Variants in GAS7 observed in about 807,000 individuals in gnomAD.
GAS7 encodes the protein growth arrest-specific protein 7.
In GAS7, 28 loss-of-function variants were observed where a neutral mutation model predicts 71.1. That is an observed-to-expected ratio of 0.39 (90% CI 0.29 to 0.54). The LOEUF is 0.54. GAS7 is among the 20% of genes least tolerant of loss of function. The pLI is 0.62. For synonymous variants in GAS7, 258 were observed against 245.8 expected, an observed-to-expected ratio of 1.05 and a Z score of -0.46; for missense variants, 436 against 627.8, an observed-to-expected ratio of 0.69 and a Z score of 3.27.
chr17:10,197,369 C>A (rs935684300), intron 1 of GAS7, among the ~76,000 whole-genome samples: 4 of 151,574 alleles, frequency 2.6e-5, no homozygotes, highest in Admixed American at 6.6e-5. Flanking sequence ...TGGGGGCAGG[C>A]GGGCTTCTAG....
At chr17:10,087,903 C>T (rs955575755) in intron 1 of GAS7, among the ~76,000 whole-genome samples, 2 of 152,118 alleles carry the variant, frequency 1.3e-5, no homozygotes, top group Non-Finnish European at 2.9e-5. Context: ...GCCTTTGGTG[C>T]CCCCATCCTC....
chr17:10,184,207 C>T (rs1049907249), intron 1 of GAS7, among the ~76,000 whole-genome samples: 30 of 152,150 alleles, frequency 2.0e-4, no homozygotes, highest in African/African-American at 7.0e-4. Flanking sequence ...TACTGCAGTC[C>T]AGACCCTGCC....
chr17:10,066,600 C>T (rs1477950422), intron 1 of GAS7, among the ~76,000 whole-genome samples: 1 of 152,136 alleles, frequency 6.6e-6, no homozygotes, highest in Non-Finnish European at 1.5e-5. Context: ...CCTCCCAAAG[C>T]ACTGGGATTG....
At chr17:10,189,914 G>C (rs1187712475) in intron 1 of GAS7, among the ~76,000 whole-genome samples, 1 of 151,776 alleles carries the variant, frequency 6.6e-6, no homozygotes, top group Non-Finnish European at 1.5e-5. Flanking sequence ...ACTTCAGCCT[G>C]GGCAACAGAG....
In GAS7 at chr17:9,950,581, C is replaced by T. The variant is rs189984712; in HGVS notation, c.526-3598G>A. Among the ~76,000 whole-genome samples the T allele has an allele frequency of 3.2e-3, 488 of 152,188 alleles. 3 individuals carry two copies. Among genetic ancestry groups the T allele is most frequent in the Non-Finnish European group, 5.3e-3 (358 of 67,984 alleles). The stretch of plus-strand genomic sequence containing the variant: ...TTTTTTAAAAGGCACCTTGTGGCAG[C>T]GTGTGGTGGCTCACGCCTGTAATCC... On this transcript the variant is annotated intron_variant, in intron 5 of 13. Coordinates refer to ENST00000432992, the MANE Select transcript of GAS7 (RefSeq NM_201433.2).
At chr17:10,089,546 C>A (rs2073558807) in intron 1 of GAS7, among the ~76,000 whole-genome samples, 1 of 151,800 alleles carries the variant, frequency 6.6e-6, no homozygotes. Context: ...ATTTAAAGAC[C>A]ATGAGTTTCA....
chr17:10,164,517 G>A (rs1329143846), intron 1 of GAS7, among the ~76,000 whole-genome samples: 1 of 151,466 alleles, frequency 6.6e-6, no homozygotes. Flanking sequence ...GGTTTAACTA[G>A]CCAGGTGTGG....
intron 1 of GAS7, among the ~76,000 whole-genome samples, chr17:10,165,291 CAAAA>C (rs71365731): frequency 1.3e-5 from 1 of 77,650 alleles, no homozygotes. Context: ...GATTCCTTCT[CAAAA>C]AAAAAAAAAA....
intron 1 of GAS7, among the ~76,000 whole-genome samples, chr17:10,057,708 G>A (rs1238777216): frequency 1.3e-5 from 2 of 152,154 alleles, no homozygotes; most frequent in Non-Finnish European, 2.9e-5. Context: ...TCTGGGAAGT[G>A]AGGAGCCCCT....
rs11867940 is a variant in GAS7, at chr17:10,191,123, C to G, written c.183+7085G>C. 4.6e-3 allele frequency among the ~76,000 whole-genome samples: 701 copies of G among 151,612 alleles called. 9 individuals carry two copies. Among genetic ancestry groups the G allele is most frequent in the African/African-American group, 0.016 (667 of 41,330 alleles). On this transcript the variant is annotated intron_variant, in intron 1 of 13. Coordinates refer to ENST00000432992, the MANE Select transcript of GAS7 (RefSeq NM_201433.2). ...CCAGGAGGCAGAGGTTACAGTGAGC[C>G]GAGATCACGCCATTGTACTCCAGCC... is the stretch of plus-strand genomic sequence containing the variant.
At chr17:10,055,706 T>C (rs1424309247) in intron 1 of GAS7, among the ~76,000 whole-genome samples, 1 of 152,174 alleles carries the variant, frequency 6.6e-6, no homozygotes, top group African/African-American at 2.4e-5. Flanking sequence ...AAAAACACAT[T>C]TTACTTCACA....
intron 2 of GAS7, among the ~76,000 whole-genome samples, chr17:9,998,941 A>G (rs1043458445): frequency 3.3e-5 from 5 of 152,186 alleles, no homozygotes; most frequent in African/African-American, 1.2e-4. Context: ...AATGGCAAAC[A>G]CAGGCCCAGA....
At chr17:10,152,572 G>A (rs2074174510) in intron 1 of GAS7, among the ~76,000 whole-genome samples, 2 of 152,182 alleles carry the variant, frequency 1.3e-5, no homozygotes, top group Non-Finnish European at 2.9e-5. Flanking sequence ...TGTGACTCCA[G>A]ATAGACATTC....
chr17:10,088,884 A>C (rs1249132089), intron 1 of GAS7, among the ~76,000 whole-genome samples: 1 of 152,130 alleles, frequency 6.6e-6, no homozygotes. Context: ...GAGGCCGGGC[A>C]TGGTGGCTCA....
intron 1 of GAS7, among the ~76,000 whole-genome samples, chr17:10,036,076 A>G (rs1028083573): frequency 1.3e-5 from 2 of 151,836 alleles, no homozygotes; most frequent in Non-Finnish European, 2.9e-5. Flanking sequence ...TCACATCACC[A>G]CTCTGCTTCT....
chr17:10,046,830 AAGGAAGGAAGG>A (rs1362101495), intron 1 of GAS7, among the ~76,000 whole-genome samples: 2 of 125,784 alleles, frequency 1.6e-5, no homozygotes, highest in Non-Finnish European at 3.3e-5. Flanking sequence ...GGAAGGAAGG[AAGGAAGGAAGG>A]AAGGAAAGAA....
chr17:10,081,339 A>G (rs898686928), intron 1 of GAS7, among the ~76,000 whole-genome samples: 1 of 152,072 alleles, frequency 6.6e-6, no homozygotes, highest in African/African-American at 2.4e-5. Context: ...ATTTTTTTGT[A>G]GAGACGGGGT....
At chr17:10,036,403 A>G in intron 1 of GAS7, 1 of 1,532,472 alleles carries the variant, frequency 6.5e-7, no homozygotes, top group Non-Finnish European at 9.0e-7. Context: ...ACTGGAGCAT[A>G]CATCTGCAGG....
intron 1 of GAS7, among the ~76,000 whole-genome samples, chr17:10,165,237 A>C (rs2074285073): frequency 6.7e-6 from 1 of 148,404 alleles, no homozygotes; most frequent in Admixed American, 6.8e-5. Flanking sequence ...GCTTGCAGTG[A>C]GCAGAAATCA....
Sources: gnomAD v4.1 joint callset for allele counts (sites outside exome capture counted in the v4.1 genomes callset) on GRCh38, gnomAD v4.1.1 for gene constraint, MANE v1.5 for transcripts, NCBI Gene and HGNC (gene_info 2026-07-23, HGNC 2026-07-21) for gene names.